YEATS2: variants seen among roughly 807,000 people sequenced by gnomAD.
The protein encoded by YEATS2 is YEATS domain containing 2.
Under a neutral mutation model 163.2 loss-of-function variants are expected in YEATS2, and 77 were observed. That is an observed-to-expected ratio of 0.47 (90% CI 0.39 to 0.57). The LOEUF (loss-of-function observed/expected upper bound fraction) is 0.57. Ranked by LOEUF, YEATS2 falls within the 20% of genes least tolerant of loss-of-function variation. YEATS2 has a pLI of 0.00. For missense variants in YEATS2, 1,549 were observed against 1,729.8 expected, an observed-to-expected ratio of 0.90 and a Z score of 1.85; for synonymous variants, 631 against 645.1, an observed-to-expected ratio of 0.98 and a Z score of 0.33.
chr3:183,792,996 C>T, intron 21 of YEATS2: 2 of 512,728 alleles, frequency 3.9e-6, no homozygotes, highest in Non-Finnish European at 6.0e-6. Context: ...CTTGAAAGTT[C>T]AGTTTTGTTT....
At chr3:183,807,170 C>T in intron 28 of YEATS2, 78 bp downstream of exon 28, 1 of 1,304,972 alleles carries the variant, frequency 7.7e-7, no homozygotes, top group Non-Finnish European at 1.1e-6. Context: ...TTCACAGACC[C>T]AGACCCAGGT....
At chr3:183,740,798 A>G (rs1425477662) in intron 8 of YEATS2, among the ~76,000 whole-genome samples, 7 of 152,240 alleles carry the variant, frequency 4.6e-5, no homozygotes, top group African/African-American at 2.4e-5. Context: ...TACACCAAAC[A>G]ACATATTTTC....
intron 22 of YEATS2, 37 bp from the exon 23 acceptor site, chr3:183,798,854 G>A (rs780390814): frequency 2.7e-6 from 4 of 1,499,280 alleles, no homozygotes; most frequent in Admixed American, 1.7e-5. Context: ...AATAATTTTT[G>A]TATTTGTTAT....
chr3:183,747,397 CTT>C (rs1353120491), intron 8 of YEATS2, among the ~76,000 whole-genome samples: 1 of 151,998 alleles, frequency 6.6e-6, no homozygotes, highest in Non-Finnish European at 1.5e-5. Context: ...CAGTAAACAT[CTT>C]TTTGTGTAAA....
At chr3:183,721,791 G>A in intron 4 of YEATS2, 100 bp from the exon 5 acceptor site, 1 of 1,463,004 alleles carries the variant, frequency 6.8e-7, no homozygotes, top group Non-Finnish European at 9.3e-7. Flanking sequence ...AAGATTTTAA[G>A]CATGATCCTG....
At chr3:183,728,420 C>T (rs570079388) in intron 6 of YEATS2, among the ~76,000 whole-genome samples, 24 of 152,234 alleles carry the variant, frequency 1.6e-4, no homozygotes, top group Non-Finnish European at 3.2e-4. Flanking sequence ...ATCTCTAACT[C>T]CTGACCTCAA....
At chr3:183,701,222 A>G (rs774889474) in intron 1 of YEATS2, among the ~76,000 whole-genome samples, 34 of 150,980 alleles carry the variant, frequency 2.3e-4, no homozygotes, top group East Asian at 7.9e-4. Context: ...GTGGGACTAC[A>G]GGCACCCACC....
chr3:183,745,675 ATG>A (rs1719457528), intron 8 of YEATS2, among the ~76,000 whole-genome samples: 1 of 152,188 alleles, frequency 6.6e-6, no homozygotes, highest in Admixed American at 6.5e-5. Flanking sequence ...AGTTCCTAGA[ATG>A]TGTGAAATTA....
chr3:183,731,284 TGA>T (rs1439068007), intron 7 of YEATS2, among the ~76,000 whole-genome samples: 3 of 125,598 alleles, frequency 2.4e-5, no homozygotes, highest in Non-Finnish European at 4.9e-5. Context: ...GGAGGCAGAG[TGA>T]GAGTCTGTCT....
chr3:183,728,892 A>T (rs372364743), intron 7 of YEATS2, 41 bp downstream of exon 7: 35 of 1,552,036 alleles, frequency 2.3e-5, no homozygotes, highest in Non-Finnish European at 2.9e-5. Flanking sequence ...TGAAATGCAG[A>T]CTTATTTTTG....
In YEATS2 at chr3:183,736,809, G is replaced by A; in HGVS notation, c.904G>A (p.Asp302Asn). ...HFKDSQNKRI[D>N]IIHNLKLDRT... is the part of the protein sequence containing the mutation. ...TAAGGACAGCCAGAACAAGCGGATA[G>A]ATATCATACATAATCTGAAGGTATT... The change falls in exon 8 of 31, where the codon GAT (aspartate) becomes AAT (asparagine). Residue 302 changes from aspartate (D) to asparagine (N), a missense_variant. Physicochemically the swap from Asp to Asn is conservative, Grantham distance 23. Coordinates refer to ENST00000305135, the MANE Select transcript of YEATS2 (RefSeq NM_018023.5). The A allele has an allele frequency of 6.2e-7, 1 of 1,613,628 alleles. No homozygotes were observed. Among genetic ancestry groups the A allele is most frequent in the Non-Finnish European group, 8.5e-7 (1 of 1,179,780 alleles).
At chr3:183,801,591 T>A (rs1725670801) in intron 25 of YEATS2, 63 bp downstream of exon 25, 3 of 1,260,656 alleles carry the variant, frequency 2.4e-6, no homozygotes, top group African/African-American at 1.5e-5. Flanking sequence ...AGGTATTGAG[T>A]CAACTGAAAT....
At chr3:183,719,482 C>T (rs149842767) in intron 4 of YEATS2, among the ~76,000 whole-genome samples, 1 of 152,200 alleles carries the variant, frequency 6.6e-6, no homozygotes, top group Admixed American at 6.5e-5. Flanking sequence ...TAGCATTATG[C>T]TAGGCTTTGC....
chr3:183,717,471 G>A (rs1716019632), intron 2 of YEATS2, among the ~76,000 whole-genome samples, 180 bp from the exon 3 acceptor site: 1 of 152,108 alleles, frequency 6.6e-6, no homozygotes, highest in African/African-American at 2.4e-5. Context: ...GAAAGTACAC[G>A]AGATCACTTT....
At chr3:183,761,471 C>T in intron 13 of YEATS2, 36 bp from the exon 14 acceptor site, 1 of 1,551,662 alleles carries the variant, frequency 6.4e-7, no homozygotes, top group Non-Finnish European at 8.9e-7. Flanking sequence ...TCACCCATTT[C>T]TCCTGATTGT....
At chr3:183,778,718 A>G (rs1348995053) in intron 19 of YEATS2, among the ~76,000 whole-genome samples, 1 of 152,152 alleles carries the variant, frequency 6.6e-6, no homozygotes, top group Non-Finnish European at 1.5e-5. Context: ...CTGGTTTGGT[A>G]TCAGGATAAT....
At chr3:183,726,213 C>T (rs116574597) in intron 6 of YEATS2, among the ~76,000 whole-genome samples, 3,781 of 152,220 alleles carry the variant, frequency 0.025, 58 homozygotes, top group Non-Finnish European at 0.034. Flanking sequence ...AAGACATGAG[C>T]TCTTACACAA....
rs181879884 is a variant in YEATS2 at position 183,758,549 on chromosome 3, A to G, written c.1553-313A>G. On this transcript the variant is annotated intron_variant, in intron 12 of 30. Transcript: ENST00000305135. The stretch of plus-strand genomic sequence containing the variant: ...TACGTTATAGTGTCTTTTATTGTAT[A>G]AGGAGTAGAATATACGAGAATATGC... Among the ~76,000 whole-genome samples the G allele has an allele frequency of 2.8e-3, 427 of 152,296 alleles. 1 individual carries two copies. Among genetic ancestry groups the G allele is most frequent in the Non-Finnish European group, 4.7e-3 (321 of 68,034 alleles).
chr3:183,735,972 T>C (rs1166974511), intron 7 of YEATS2, among the ~76,000 whole-genome samples: 1 of 152,234 alleles, frequency 6.6e-6, no homozygotes, highest in Non-Finnish European at 1.5e-5. Context: ...GAGTACTTAA[T>C]GATATATCAA....
Sources: allele counts gnomAD v4.1 joint callset (sites outside exome capture counted in the v4.1 genomes callset), GRCh38; gene constraint gnomAD v4.1.1; transcripts MANE v1.5; gene names NCBI Gene and HGNC (gene_info 2026-07-23, HGNC 2026-07-21).